Variants in TBC1D7 observed in about 807,000 individuals in gnomAD.
The protein encoded by TBC1D7 is TBC domain family 7.
TBC1D7 carries 33 observed loss-of-function variants against 35.3 expected under a neutral mutation model. The ratio of observed to expected loss-of-function variants is 0.93; its 90% CI spans 0.71 to 1.25. The LOEUF (loss-of-function observed/expected upper bound fraction) is 1.25. Among genes scored for constraint, TBC1D7 ranks in the 50% most tolerant of loss-of-function variants. The pLI, the probability that TBC1D7 is intolerant of heterozygous loss-of-function variation, is 0.00. For missense variants in TBC1D7, 362 were observed against 365.3 expected (o/e 0.99, Z 0.07); for synonymous variants, 135 against 129.5 (o/e 1.04, Z -0.29).
intron 5 of TBC1D7, among the ~76,000 whole-genome samples, chr6:13,313,724 C>G (rs1329063700): frequency 6.6e-6 from 1 of 152,070 alleles, no homozygotes; most frequent in Non-Finnish European, 1.5e-5. Context: ...TTCAGAATTG[C>G]CTGGAGCTTT....
chr6:13,326,865 C>T lies in TBC1D7; in HGVS notation c.34G>A (p.Val12Ile). Residue 12 changes from valine to isoleucine, a missense_variant, in exon 2 of 8, where the codon GTA becomes ATA. Val to Ile is a conservative substitution (Grantham distance 29). Coordinates refer to ENST00000379300, the MANE Select transcript of TBC1D7 (RefSeq NM_016495.6). ...CGAAACCCCACTTTCTCATAATATA[C>T]TGAACGAAAGTTTCTCTGAGAGTCC... The part of the protein sequence containing the change: ...TEDSQRNFRS[V>I]YYEKVGFRGV... 1.2e-6 allele frequency: 2 copies of T among 1,611,986 alleles called. No homozygotes were observed. Among genetic ancestry groups the T allele is most frequent in the Non-Finnish European group, 8.5e-7 (1 of 1,179,206 alleles).
At chr6:13,305,753 G>A (rs1277313964) in intron 7 of TBC1D7, 1 of 165,672 alleles carries the variant, frequency 6.0e-6, no homozygotes, top group African/African-American at 2.4e-5. Context: ...TACATAGCGA[G>A]GGAAAAGTTA....
At chr6:13,327,653 G>C (rs1400525065) in intron 1 of TBC1D7, 2 of 152,196 alleles carry the variant, frequency 1.3e-5, no homozygotes, top group East Asian at 3.8e-4. Flanking sequence ...CAGAGTTGAA[G>C]ACGGAAAAAC....
At chr6:13,305,512 A>G (rs1782749544) in intron 7 of TBC1D7, 2 of 385,042 alleles carry the variant, frequency 5.2e-6, no homozygotes, top group South Asian at 2.4e-5. Context: ...GACATGAGGT[A>G]ACCCATGGAA....
At chr6:13,307,499 T>C (rs1782890870) in intron 6 of TBC1D7, 101 bp downstream of exon 6, 4 of 1,230,312 alleles carry the variant, frequency 3.3e-6, no homozygotes, top group Non-Finnish European at 4.6e-6. Flanking sequence ...AATTACTGTA[T>C]TGTTCTAAAG....
intron 3 of TBC1D7, among the ~76,000 whole-genome samples, chr6:13,322,767 G>A (rs781537613): frequency 6.6e-6 from 1 of 152,122 alleles, no homozygotes; most frequent in Admixed American, 6.5e-5. Context: ...AAAAGCCAAG[G>A]GAACACACTA....
intron 7 of TBC1D7, 23 bp downstream of exon 7, chr6:13,306,375 A>G: frequency 6.4e-7 from 1 of 1,573,050 alleles, no homozygotes; most frequent in Non-Finnish European, 8.6e-7. Context: ...TCCAGATTCA[A>G]AATCAAATCA....
At chr6:13,311,723 G>A (rs1783227440) in intron 5 of TBC1D7, among the ~76,000 whole-genome samples, 1 of 152,190 alleles carries the variant, frequency 6.6e-6, no homozygotes, top group Admixed American at 6.5e-5. Context: ...TAAGGGACAT[G>A]AAGTGTCTTG....
At chr6:13,309,354 G>C (rs1783033819) in intron 5 of TBC1D7, among the ~76,000 whole-genome samples, 1 of 152,170 alleles carries the variant, frequency 6.6e-6, no homozygotes, top group African/African-American at 2.4e-5. Context: ...CAGACAATAA[G>C]CTCACGGGGG....
chr6:13,319,602 G>A (rs1584558386), intron 4 of TBC1D7: 1 of 152,282 alleles, frequency 6.6e-6, no homozygotes, highest in East Asian at 1.9e-4. Flanking sequence ...ATCCCAGTGA[G>A]GCCTACAGAG....
chr6:13,308,917 A>G (rs1038338364), intron 5 of TBC1D7, among the ~76,000 whole-genome samples: 1 of 152,228 alleles, frequency 6.6e-6, no homozygotes, highest in African/African-American at 2.4e-5. Flanking sequence ...CATCCAGGAG[A>G]AAATCCTAAC....
In TBC1D7 at chr6:13,322,022, A is replaced by C. The variant is rs111490812; in HGVS notation, c.194-927T>G. On this transcript the variant is annotated intron_variant, in intron 3 of 7. Coordinates refer to ENST00000379300, the MANE Select transcript of TBC1D7 (RefSeq NM_016495.6). ...GAGGCCAAGGCAGGCAGATCACTTG[A>C]GCCCAGAAGTTCAAGACCAGCCTGG... 2.4e-3 allele frequency among the ~76,000 whole-genome samples: 361 copies of C among 152,290 alleles called. 2 individuals are homozygous for C. Among genetic ancestry groups the C allele is most frequent in the African/African-American group, 7.8e-3 (325 of 41,568 alleles).
At chr6:13,323,612 C>T (rs1784200034) in intron 3 of TBC1D7, 2 of 152,116 alleles carry the variant, frequency 1.3e-5, no homozygotes, top group Admixed American at 6.6e-5. Flanking sequence ...TAGTTGTCAC[C>T]GCTTCTCCAG....
intron 7 of TBC1D7, chr6:13,305,934 T>C: frequency 6.1e-6 from 1 of 164,806 alleles, no homozygotes; most frequent in Non-Finnish European, 1.3e-5. Context: ...AAATGACAGA[T>C]CCCACCTATT....
At chr6:13,310,239 T>C (rs1230263401) in intron 5 of TBC1D7, among the ~76,000 whole-genome samples, 1 of 152,232 alleles carries the variant, frequency 6.6e-6, no homozygotes, top group Non-Finnish European at 1.5e-5. Flanking sequence ...TGTAACACTG[T>C]GTATAACAAA....
rs536439874 is a variant in TBC1D7 at position 13,323,123 on chromosome 6, C to T, written c.193+1971G>A. On this transcript the variant is annotated intron_variant, in intron 3 of 7. Transcript: ENST00000379300. ...ATCCCAGCACTTTGGGAGGCCGAGG[C>T]AGGTGGACTGCCTGAGCTCAGGAGT... is the stretch of plus-strand genomic sequence containing the variant. Among the ~76,000 whole-genome samples the T allele has an allele frequency of 3.3e-5, 5 of 152,282 alleles. No homozygotes were observed. The East Asian group carries it at 9.6e-4, about 29-fold the overall frequency.
intron 4 of TBC1D7, chr6:13,319,652 A>G (rs1783887999): frequency 6.6e-6 from 1 of 152,170 alleles, no homozygotes; most frequent in Non-Finnish European, 1.5e-5. Flanking sequence ...TGATCATTAC[A>G]TTACGGTTGT....
At chr6:13,327,002 G>T in intron 1 of TBC1D7, 96 bp from the exon 2 acceptor site, 1 of 682,748 alleles carries the variant, frequency 1.5e-6, no homozygotes, top group Non-Finnish European at 2.5e-6. Context: ...AATTTTCAAT[G>T]ATGTTCTCCA....
At chr6:13,311,262 G>T (rs1783190150) in intron 5 of TBC1D7, among the ~76,000 whole-genome samples, 1 of 152,168 alleles carries the variant, frequency 6.6e-6, no homozygotes, top group South Asian at 2.1e-4. Context: ...AACCTTCCAT[G>T]CCATACAATT....
Sources: allele counts gnomAD v4.1 joint callset (sites outside exome capture counted in the v4.1 genomes callset), GRCh38; gene constraint gnomAD v4.1.1; transcripts MANE v1.5; gene names NCBI Gene and HGNC (gene_info 2026-07-23, HGNC 2026-07-21).